Variants in PCDHGA5 observed in about 807,000 individuals in gnomAD.
PCDHGA5 encodes the protein protocadherin gamma-A5.
Under a neutral mutation model 56.7 loss-of-function variants are expected in PCDHGA5, and 36 were observed. That is an observed-to-expected ratio of 0.64 (90% CI 0.49 to 0.84). The LOEUF is 0.84. Among genes scored for constraint, PCDHGA5 ranks in the 40% least tolerant of loss-of-function variants. PCDHGA5 has a pLI of 0.00. For missense variants in PCDHGA5, 1,305 were observed against 1,201.5 expected, an observed-to-expected ratio of 1.09 and a Z score of -1.27; for synonymous variants, 563 against 520.2, an observed-to-expected ratio of 1.08 and a Z score of -1.12.
At chr5:141,394,310 GC>G in intron 1 of PCDHGA5, 6 of 1,613,936 alleles carry the variant, frequency 3.7e-6, no homozygotes, top group Non-Finnish European at 5.1e-6. Context: ...TGCAGGGGGC[GC>G]CCCTGTCCTC....
At chr5:141,470,574 CA>C (rs1369567985) in intron 1 of PCDHGA5, among the ~76,000 whole-genome samples, 1 of 152,188 alleles carries the variant, frequency 6.6e-6, no homozygotes, top group Non-Finnish European at 1.5e-5. Flanking sequence ...CAAGCAGGAT[CA>C]ACTTCATAGG....
intron 1 of PCDHGA5, chr5:141,424,513 T>C (rs1339689551): frequency 6.6e-6 from 1 of 152,224 alleles, no homozygotes; most frequent in Non-Finnish European, 1.5e-5. Context: ...GGTTTTTTAA[T>C]GTAGTAAATC....
intron 1 of PCDHGA5, chr5:141,410,442 C>T (rs1444532577): frequency 6.2e-7 from 1 of 1,613,942 alleles, no homozygotes; most frequent in East Asian, 2.2e-5. Context: ...AGTGAGGGGA[C>T]TTTGCCTTAT....
chr5:141,483,350 G>C (rs2099580423), intron 1 of PCDHGA5, among the ~76,000 whole-genome samples: 4 of 152,172 alleles, frequency 2.6e-5, no homozygotes, highest in Admixed American at 1.3e-4. Flanking sequence ...CTTTGCAATA[G>C]TTTGAAAGCT....
intron 1 of PCDHGA5, chr5:141,419,462 C>T: frequency 6.2e-7 from 1 of 1,612,582 alleles, no homozygotes. Flanking sequence ...GCTGCAGGCC[C>T]GCGACCAGGG....
chr5:141,374,941 A>G, intron 1 of PCDHGA5: 1 of 1,614,040 alleles, frequency 6.2e-7, no homozygotes, highest in Non-Finnish European at 8.5e-7. Context: ...AGATTACAGA[A>G]AAGATCTCAC....
At chr5:141,375,076 G>C in intron 1 of PCDHGA5, 1 of 1,614,010 alleles carries the variant, frequency 6.2e-7, no homozygotes, top group Non-Finnish European at 8.5e-7. Context: ...GAGACAGAGC[G>C]AAAGTCTTAA....
At chr5:141,370,509 G>T (rs1353191551) in intron 1 of PCDHGA5, 2 of 1,613,920 alleles carry the variant, frequency 1.2e-6, no homozygotes, top group South Asian at 1.1e-5. Flanking sequence ...CGCTATTCCC[G>T]AGGAGCTGGA....
At chr5:141,375,842 C>G (rs547807235) in intron 1 of PCDHGA5, 4 of 1,614,122 alleles carry the variant, frequency 2.5e-6, no homozygotes, top group Non-Finnish European at 3.4e-6. Context: ...GCCCGGCTAC[C>G]TGGTGACCAA....
At chr5:141,416,687 A>G (rs1283053610) in intron 1 of PCDHGA5, 1 of 152,270 alleles carries the variant, frequency 6.6e-6, no homozygotes, top group Non-Finnish European at 1.5e-5. Flanking sequence ...GGGAAATTAT[A>G]TAAACAAAGG....
intron 1 of PCDHGA5, among the ~76,000 whole-genome samples, chr5:141,380,002 C>T (rs1238165554): frequency 6.9e-6 from 1 of 143,940 alleles, no homozygotes; most frequent in African/African-American, 2.6e-5. Flanking sequence ...TGGGTTCAAG[C>T]GATTCTCCTG....
At chr5:141,384,648 G>A in intron 1 of PCDHGA5, 1 of 1,614,238 alleles carries the variant, frequency 6.2e-7, no homozygotes, top group Middle Eastern at 1.6e-4. Flanking sequence ...GCTCCGCAGA[G>A]CCCGGCTACC....
At position 141,421,727 on chromosome 5, in the gene PCDHGA5, C is replaced by T. The variant is rs779718690; in HGVS notation, c.2421+54976C>T. The T allele has an allele frequency of 4.3e-6, 7 of 1,613,798 alleles. No individual in the cohort carries two copies. In the African/African-American group the frequency reaches 9.3e-5, roughly 22 times the overall value. ...AGGGATCCAGATGTGGGCGTGAACT[C>T]CCTCCAGAGCTACCAGCTCAGCCCT... On this transcript the variant is annotated intron_variant, in intron 1 of 3. Coordinates refer to ENST00000518069, the MANE Select transcript of PCDHGA5 (RefSeq NM_018918.3).
At chr5:141,454,426 GAC>G (rs746508144) in intron 1 of PCDHGA5, among the ~76,000 whole-genome samples, 3 of 152,168 alleles carry the variant, frequency 2.0e-5, no homozygotes, top group Non-Finnish European at 2.9e-5. Context: ...TTTATTTAGA[GAC>G]AGAGTTTCAC....
In PCDHGA5 at chr5:141,476,182, G is replaced by A. The variant is rs369561139; in HGVS notation, c.2422-18625G>A. On this transcript the variant is annotated intron_variant, in intron 1 of 3. Coordinates refer to ENST00000518069, the MANE Select transcript of PCDHGA5 (RefSeq NM_018918.3). This position sits in a 1 kb window ranked among gnomAD's most constrained non-coding sequence, Gnocchi z 7.6. ...GGAGGGTAGTGGGAGTTTTGCTTCT[G>A]CTTGGTGCCTTGAACAAGGCTTCCA... 5 of 1,613,554 alleles carry A rather than the reference G, an allele frequency of 3.1e-6. No homozygotes were observed. Among genetic ancestry groups the A allele is most frequent in the Admixed American group, 1.7e-5 (1 of 59,996 alleles).
chr5:141,394,508 C>A (rs776107587), intron 1 of PCDHGA5: 3 of 1,614,104 alleles, frequency 1.9e-6, no homozygotes, highest in Non-Finnish European at 2.5e-6. Context: ...TCCTGTACCC[C>A]GCCCTCCCCA....
At chr5:141,427,440 G>A (rs747459662) in intron 1 of PCDHGA5, 1 of 477,484 alleles carries the variant, frequency 2.1e-6, no homozygotes, top group South Asian at 1.5e-5. Flanking sequence ...CCTCATAAAC[G>A]AAAGAGTTCC....
chr5:141,471,964 T>C lies in PCDHGA5; in HGVS notation c.2422-22843T>C, dbSNP rs138170906. Among the ~76,000 whole-genome samples, 591 of 152,278 alleles carry C rather than the reference T, an allele frequency of 3.9e-3. 6 individuals are homozygous for C. Among genetic ancestry groups the C allele is most frequent in the Admixed American group, 0.011 (171 of 15,292 alleles). On this transcript the variant is annotated intron_variant, in intron 1 of 3. Transcript: ENST00000518069. ...TCTAAAACTGGATTGTGGGGTTGGT[T>C]GCATTACTGTATAAATTTATTAAAA...
intron 1 of PCDHGA5, chr5:141,371,300 CA>C: frequency 6.2e-7 from 1 of 1,613,950 alleles, no homozygotes; most frequent in Non-Finnish European, 8.5e-7. Flanking sequence ...GGGAACTCAC[CA>C]CTATTGGAGA....
Sources: gnomAD v4.1 joint callset for allele counts (sites outside exome capture counted in the v4.1 genomes callset) on GRCh38, gnomAD v4.1.1 for gene constraint, Gnocchi (gnomAD v3.1) non-coding constraint, MANE v1.5 for transcripts, NCBI Gene and HGNC (gene_info 2026-07-23, HGNC 2026-07-21) for gene names.